The following PTPRG variants were observed in gnomAD, a reference collection of about 807,000 sequenced individuals.
The protein encoded by PTPRG is protein tyrosine phosphatase receptor type G.
In PTPRG, 102 loss-of-function variants were observed where a neutral mutation model predicts 165.3. That is an observed-to-expected ratio of 0.62 (90% CI 0.53 to 0.73). The LOEUF is 0.73. Among genes scored for constraint, PTPRG ranks in the 30% least tolerant of loss-of-function variants. The pLI, the probability that PTPRG is intolerant of heterozygous loss-of-function variation, is 0.00. For missense variants in PTPRG, 1,866 were observed against 1,861.4 expected (o/e 1.00, Z -0.05); for synonymous variants, 675 against 669.5 (o/e 1.01, Z -0.13).
At chr3:61,688,304 A>G (rs1043525637) in intron 1 of PTPRG, among the ~76,000 whole-genome samples, 1 of 152,234 alleles carries the variant, frequency 6.6e-6, no homozygotes, top group African/African-American at 2.4e-5. Context: ...AAAAGGCTGC[A>G]TGCTGACTAG....
At chr3:62,023,701 G>T (rs1319089376) in intron 4 of PTPRG, among the ~76,000 whole-genome samples, 1 of 152,150 alleles carries the variant, frequency 6.6e-6, no homozygotes, top group East Asian at 1.9e-4. Flanking sequence ...GGAGACTGTT[G>T]AGATTCCAAG....
At chr3:61,630,068 C>T (rs1344596985) in intron 1 of PTPRG, among the ~76,000 whole-genome samples, 1 of 152,226 alleles carries the variant, frequency 6.6e-6, no homozygotes, top group Non-Finnish European at 1.5e-5. Flanking sequence ...GGCCTTATGA[C>T]TGAGACATGC....
intron 5 of PTPRG, among the ~76,000 whole-genome samples, chr3:62,119,128 C>G (rs769728732): frequency 6.6e-6 from 1 of 152,144 alleles, no homozygotes; most frequent in Non-Finnish European, 1.5e-5. Flanking sequence ...CAGGTAATTA[C>G]AATGAAGGGT....
chr3:62,201,742 G>A (rs1700099409), intron 11 of PTPRG, among the ~76,000 whole-genome samples, 188 bp downstream of exon 11: 1 of 152,170 alleles, frequency 6.6e-6, no homozygotes, highest in Non-Finnish European at 1.5e-5. Context: ...GTGCAACAGT[G>A]TTAGGTGGTT....
At chr3:61,738,319 T>TAC (rs2032833383) in intron 1 of PTPRG, among the ~76,000 whole-genome samples, 5 of 102,860 alleles carry the variant, frequency 4.9e-5, no homozygotes, top group East Asian at 3.3e-4. Flanking sequence ...TATACATATA[T>TAC]ATATATATAT....
intron 1 of PTPRG, among the ~76,000 whole-genome samples, chr3:61,663,786 A>T (rs981574408): frequency 3.9e-5 from 6 of 152,126 alleles, no homozygotes; most frequent in Non-Finnish European, 7.4e-5. Flanking sequence ...CGGGCAACCT[A>T]GATCCCTCAC....
intron 1 of PTPRG, among the ~76,000 whole-genome samples, chr3:61,730,798 A>C (rs1478398527): frequency 2.0e-5 from 3 of 152,210 alleles, no homozygotes; most frequent in Non-Finnish European, 4.4e-5. Context: ...CACTTATCAC[A>C]TTATTGAGAA....
intron 1 of PTPRG, among the ~76,000 whole-genome samples, chr3:61,689,573 T>C (rs1226706263): frequency 6.6e-6 from 1 of 152,230 alleles, no homozygotes; most frequent in Non-Finnish European, 1.5e-5. Context: ...ATTTAATTTC[T>C]GTTGTAGGAT....
chr3:61,706,211 A>C (rs143562254), intron 1 of PTPRG, among the ~76,000 whole-genome samples: 1 of 149,662 alleles, frequency 6.7e-6, no homozygotes, highest in Admixed American at 6.7e-5. Flanking sequence ...CTGGGGGGGA[A>C]AAAAAAAAGA....
chr3:61,734,662 G>T (rs2032649032), intron 1 of PTPRG, among the ~76,000 whole-genome samples: 1 of 151,938 alleles, frequency 6.6e-6, no homozygotes, highest in South Asian at 2.1e-4. Context: ...TGCCTGATAG[G>T]GAAACCCCCA....
At chr3:61,726,786 G>A (rs1037985542) in intron 1 of PTPRG, among the ~76,000 whole-genome samples, 2 of 152,108 alleles carry the variant, frequency 1.3e-5, no homozygotes, top group Admixed American at 6.5e-5. Flanking sequence ...GGTGGCTCAC[G>A]CCTGTAATCC....
chr3:61,818,949 C>T (rs1365259602), intron 2 of PTPRG, among the ~76,000 whole-genome samples: 5 of 151,918 alleles, frequency 3.3e-5, no homozygotes, highest in Admixed American at 1.3e-4. Context: ...CACTATGTTC[C>T]TTACTAAATC....
chr3:61,742,936 G>A, intron 1 of PTPRG: 1 of 1,465,118 alleles, frequency 6.8e-7, no homozygotes, highest in Admixed American at 1.7e-5. Context: ...AGGGCGGGGA[G>A]TGGACTTAAG....
intron 10 of PTPRG, among the ~76,000 whole-genome samples, chr3:62,198,387 T>G (rs528980879): frequency 1.3e-5 from 2 of 152,306 alleles, no homozygotes; most frequent in East Asian, 3.9e-4. Flanking sequence ...CACACAGCAA[T>G]GGCCCACCCC....
intron 2 of PTPRG, among the ~76,000 whole-genome samples, chr3:61,854,847 C>T (rs766408438): frequency 3.3e-5 from 5 of 152,032 alleles, no homozygotes; most frequent in African/African-American, 4.8e-5. Context: ...GAGAAGGTTC[C>T]GTTATATTGC....
At chr3:61,613,285 A>AC (rs1701223466) in intron 1 of PTPRG, among the ~76,000 whole-genome samples, 1 of 152,178 alleles carries the variant, frequency 6.6e-6, no homozygotes, top group Non-Finnish European at 1.5e-5. Flanking sequence ...AAAGGCATAG[A>AC]CCAGAGACAT....
chr3:62,110,749 C>T (rs1702640599), intron 5 of PTPRG, among the ~76,000 whole-genome samples: 1 of 152,164 alleles, frequency 6.6e-6, no homozygotes, highest in African/African-American at 2.4e-5. Context: ...CATGAGCGTT[C>T]ATTTGTCTTT....
At chr3:61,621,051 A>ATATATATATATGTGTGTGTGTGTGTG in intron 1 of PTPRG, among the ~76,000 whole-genome samples, 108 of 117,960 alleles carry the variant, frequency 9.2e-4, no homozygotes, top group South Asian at 1.5e-3. Flanking sequence ...ATATATATAT[A>ATATATATATATGTGTGTGTGTGTGTG]TGTGTGTGTG....
At chr3:61,573,964 T>A (rs1700121509) in intron 1 of PTPRG, among the ~76,000 whole-genome samples, 1 of 152,222 alleles carries the variant, frequency 6.6e-6, no homozygotes, top group Non-Finnish European at 1.5e-5. Context: ...GATTCCATTC[T>A]AATTAGAGGA....
Sources: allele counts gnomAD v4.1 joint callset (sites outside exome capture counted in the v4.1 genomes callset), GRCh38; gene constraint gnomAD v4.1.1; transcripts MANE v1.5; gene names NCBI Gene and HGNC (gene_info 2026-07-23, HGNC 2026-07-21).